Variants in NOL4L observed in about 807,000 individuals in gnomAD.
NOL4L encodes the protein nucleolar protein 4-like.
In NOL4L, 7 loss-of-function variants were observed where a neutral mutation model predicts 64.5. That is an observed-to-expected ratio of 0.11 (90% CI 0.06 to 0.20). NOL4L has a LOEUF of 0.20. Ranked by LOEUF, NOL4L falls within the 10% of genes least tolerant of loss-of-function variation. NOL4L has a pLI of 1.00. For missense variants in NOL4L, 680 were observed against 967.1 expected, an observed-to-expected ratio of 0.70 and a Z score of 3.94; for synonymous variants, 413 against 401.0, an observed-to-expected ratio of 1.03 and a Z score of -0.36.
intron 4 of NOL4L, among the ~76,000 whole-genome samples, chr20:32,505,243 G>C (rs6119253): frequency 0.011 from 1,649 of 151,984 alleles, 34 homozygotes; most frequent in African/African-American, 0.036. Flanking sequence ...TTCTGGGCAG[G>C]GGGGAGATTG....
intron 1 of NOL4L, among the ~76,000 whole-genome samples, chr20:32,584,112 G>A (rs1439304794): frequency 4.4e-5 from 2 of 45,778 alleles, no homozygotes; most frequent in African/African-American, 1.5e-4. Context: ...CCCCCACCCC[G>A]CGGCACCACC....
intron 1 of NOL4L, among the ~76,000 whole-genome samples, chr20:32,548,060 A>G (rs745555488): frequency 2.0e-5 from 3 of 152,246 alleles, no homozygotes; most frequent in Non-Finnish European, 4.4e-5. Context: ...AACAAGGACA[A>G]TAATAGCCAA....
At chr20:32,452,151 C>CT (rs1216629404) in intron 10 of NOL4L, 85 bp downstream of exon 10, 1 of 1,257,126 alleles carries the variant, frequency 8.0e-7, no homozygotes, top group Non-Finnish European at 1.1e-6. Flanking sequence ...CTGCTTCCCT[C>CT]TCCCCATTCC....
chr20:32,540,195 T>A (rs953223166), intron 1 of NOL4L, among the ~76,000 whole-genome samples: 2 of 152,104 alleles, frequency 1.3e-5, no homozygotes, highest in Non-Finnish European at 2.9e-5. Flanking sequence ...CCACCAGCCA[T>A]CCCAGGAAGG....
chr20:32,446,923 G>C lies in NOL4L; in HGVS notation c.*673C>G. On this transcript the variant is annotated 3_prime_UTR_variant, in exon 11 of 11. Coordinates refer to ENST00000621426, the MANE Select transcript of NOL4L (RefSeq NM_001256798.2). ...CTTGGCGTTGCCTAGGGAGGTGCCT[G>C]GTGGTGTCCCTGTGGCAGCACTGGG... The C allele has an allele frequency of 3.7e-6, 1 of 270,990 alleles. No homozygotes were observed. Among genetic ancestry groups the C allele is most frequent in the South Asian group, 3.2e-5 (1 of 31,414 alleles). The allele number at this position is 270,990 out of a possible 1,614,324, so 16.8% of individuals were successfully genotyped here.
At chr20:32,486,586 C>G (rs2016094700) in intron 4 of NOL4L, 2 of 382,070 alleles carry the variant, frequency 5.2e-6, no homozygotes, top group Non-Finnish European at 1.1e-5. Context: ...ATTATTAGGA[C>G]AAATAGGATC....
intron 4 of NOL4L, among the ~76,000 whole-genome samples, chr20:32,500,446 C>T (rs916381616): frequency 6.6e-5 from 10 of 151,210 alleles, no homozygotes; most frequent in Admixed American, 6.6e-5. Context: ...CTCCGCCTCC[C>T]GGGTTCATGC....
At position 32,456,376 on chromosome 20, in the gene NOL4L, A is replaced by C. The variant is rs2013529435; in HGVS notation, c.861T>G (p.Ser287Arg). 1 of 1,462,488 alleles carries C rather than the reference A, an allele frequency of 6.8e-7. No individual in the cohort carries two copies. The highest frequency in any genetic ancestry group is 9.1e-7 in the Non-Finnish European group (1 of 1,102,660). 90.6% of individuals were successfully genotyped at this position (1,462,488 alleles called of 1,614,324 possible). ...SQEDDDSSSE[S>R]GSGNGSSTLN... ...GGGTGGAGGAGCCATTGCCGCTGCC[A>C]CTCTCAGAGGAGGAGTCATCTGGAA... Residue 287 changes from serine (S) to arginine (R), a missense_variant, in exon 6 of 11, where the codon AGT (serine) becomes AGG (arginine). Physicochemically the swap from Ser to Arg is moderately radical, Grantham distance 110. Transcript: ENST00000621426.
At chr20:32,477,084 G>A (rs973173443) in intron 4 of NOL4L, among the ~76,000 whole-genome samples, 1 of 152,214 alleles carries the variant, frequency 6.6e-6, no homozygotes, top group African/African-American at 2.4e-5. Context: ...GGCCGTACCT[G>A]CCATCTCTAG....
rs2017899701 is a variant in NOL4L, at chr20:32,520,735, A to G, written c.589+76T>C. 1.0e-5 allele frequency: 9 copies of G among 891,328 alleles called. No individual in the cohort carries two copies. In the South Asian group the frequency reaches 1.5e-4, roughly 15 times the overall value. The allele number at this position is 891,328 out of a possible 1,614,324, so 55.2% of individuals were successfully genotyped here. ...CTGCTGGACACTTTTCTGTGCCAGC[A>G]AAAGCTGGCGTCTTCAGGGACAGTC... On this transcript the variant is annotated intron_variant, in intron 3 of 10. Coordinates refer to ENST00000621426, the MANE Select transcript of NOL4L (RefSeq NM_001256798.2).
At chr20:32,544,565 G>T (rs1173431950) in intron 1 of NOL4L, among the ~76,000 whole-genome samples, 2 of 152,030 alleles carry the variant, frequency 1.3e-5, no homozygotes, top group African/African-American at 4.8e-5. Flanking sequence ...CATTTTGGCT[G>T]CAGGGTAAAG....
chr20:32,570,512 C>A (rs1303954153), intron 1 of NOL4L, among the ~76,000 whole-genome samples: 1 of 152,194 alleles, frequency 6.6e-6, no homozygotes, highest in Non-Finnish European at 1.5e-5. Context: ...AGTACCCTTC[C>A]CCCTCCTGTC....
In NOL4L at chr20:32,584,659, A is replaced by G; in HGVS notation, c.232T>C (p.Phe78Leu). The G allele has an allele frequency of 6.5e-7, 1 of 1,546,548 alleles. No individual in the cohort carries two copies. Among genetic ancestry groups the G allele is most frequent in the Non-Finnish European group, 8.7e-7 (1 of 1,145,056 alleles). ...CGGAAGCCCTTGGAGCGCACCCAGA[A>G]CTGGAACTTGCCTTTCTCGCCGGCT... The part of the protein sequence containing the change: ...PAAGEKGKFQ[F>L]WVRSKGFRLG... Residue 78 changes from phenylalanine to leucine, a missense_variant, in exon 1 of 11, where the codon TTC (phenylalanine) becomes CTC (leucine). Phe to Leu is a conservative substitution (Grantham distance 22). Coordinates refer to ENST00000621426, the MANE Select transcript of NOL4L (RefSeq NM_001256798.2).
At chr20:32,567,194 G>A (rs890430807) in intron 1 of NOL4L, among the ~76,000 whole-genome samples, 3 of 152,144 alleles carry the variant, frequency 2.0e-5, no homozygotes, top group African/African-American at 7.2e-5. Context: ...AACAGCCTCC[G>A]CCCTGGGGCT....
intron 1 of NOL4L, among the ~76,000 whole-genome samples, chr20:32,531,368 T>A (rs1245925188): frequency 3.7e-5 from 4 of 108,146 alleles, no homozygotes; most frequent in Non-Finnish European, 9.4e-5. Context: ...TTTCTATACC[T>A]TTTTTTTTTT....
At chr20:32,580,527 AC>A (rs1196968859) in intron 1 of NOL4L, among the ~76,000 whole-genome samples, 2 of 152,136 alleles carry the variant, frequency 1.3e-5, no homozygotes, top group Non-Finnish European at 2.9e-5. Context: ...GGAAAAGACC[AC>A]CATTAGTCAA....
chr20:32,488,844 TTTC>T (rs2016305418), intron 4 of NOL4L, among the ~76,000 whole-genome samples: 1 of 86,892 alleles, frequency 1.2e-5, no homozygotes, highest in South Asian at 3.5e-4. Flanking sequence ...TCTTTCTTTC[TTTC>T]TTTCTTTCTT....
chr20:32,508,136 G>C (rs1259976479), intron 4 of NOL4L, among the ~76,000 whole-genome samples: 6 of 152,102 alleles, frequency 3.9e-5, no homozygotes, highest in African/African-American at 1.4e-4. Flanking sequence ...TCCTCTTTTG[G>C]CATTTTGTGG....
intron 4 of NOL4L, among the ~76,000 whole-genome samples, chr20:32,480,688 T>A (rs2015660939): frequency 1.3e-5 from 2 of 152,154 alleles, no homozygotes; most frequent in African/African-American, 4.8e-5. Context: ...TGACCCCAAC[T>A]TAACCACTTC....
Sources: gnomAD v4.1 joint callset for allele counts (sites outside exome capture counted in the v4.1 genomes callset) on GRCh38, gnomAD v4.1.1 for gene constraint, MANE v1.5 for transcripts, NCBI Gene and HGNC (gene_info 2026-07-23, HGNC 2026-07-21) for gene names.